The following SNTG2 variants were observed in gnomAD, a reference collection of about 807,000 sequenced individuals.
The protein encoded by SNTG2 is gamma-2-syntrophin.
Under a neutral mutation model 70.9 loss-of-function variants are expected in SNTG2, and 74 were observed. The observed-to-expected ratio is 1.04, with a 90% CI of 0.86 to 1.27. The LOEUF (loss-of-function observed/expected upper bound fraction) is 1.27. Among genes scored for constraint, SNTG2 ranks in the 50% most tolerant of loss-of-function variants. SNTG2 has a pLI of 0.00. For synonymous variants in SNTG2, 278 were observed against 273.8 expected, an observed-to-expected ratio of 1.02 and a Z score of -0.15; for missense variants, 717 against 690.7, an observed-to-expected ratio of 1.04 and a Z score of -0.43.
At chr2:1,263,635 A>G (rs1678566538) in intron 13 of SNTG2, among the ~76,000 whole-genome samples, 1 of 152,212 alleles carries the variant, frequency 6.6e-6, no homozygotes, top group East Asian at 1.9e-4. Flanking sequence ...CCAGGAAGCC[A>G]GGTAGCTGCA....
intron 1 of SNTG2, among the ~76,000 whole-genome samples, chr2:1,048,952 G>A (rs115465516): frequency 2.0e-5 from 3 of 152,246 alleles, no homozygotes; most frequent in African/African-American, 4.8e-5. Flanking sequence ...TTTGTCATCA[G>A]TCATTCACAT....
intron 1 of SNTG2, among the ~76,000 whole-genome samples, chr2:1,066,311 C>T (rs2148125112): frequency 6.6e-6 from 1 of 152,190 alleles, no homozygotes; most frequent in East Asian, 1.9e-4. Context: ...TGAGGCAAAA[C>T]TTCGCAGCCC....
intron 6 of SNTG2, chr2:1,160,099 TAAATG>T (rs1670171114): frequency 6.6e-6 from 1 of 152,144 alleles, no homozygotes; most frequent in South Asian, 2.1e-4. Context: ...ATGGGGCAAA[TAAATG>T]GGATACATGG....
intron 6 of SNTG2, among the ~76,000 whole-genome samples, chr2:1,156,556 C>T (rs561501452): frequency 4.2e-4 from 64 of 152,304 alleles, no homozygotes; most frequent in Admixed American, 7.8e-4. Context: ...GATTAACCAG[C>T]CAGCACTTAA....
At chr2:1,278,781 G>A (rs1410562521) in intron 14 of SNTG2, among the ~76,000 whole-genome samples, 1 of 152,146 alleles carries the variant, frequency 6.6e-6, no homozygotes, top group Non-Finnish European at 1.5e-5. Flanking sequence ...GCTTTCTGAG[G>A]TTTCAGTTAC....
intron 2 of SNTG2, among the ~76,000 whole-genome samples, chr2:1,090,423 C>T (rs1301954106): frequency 6.6e-6 from 1 of 152,202 alleles, no homozygotes; most frequent in Non-Finnish European, 1.5e-5. Context: ...CTGCAGCAAA[C>T]TTGATTCTTG....
At chr2:1,006,646 G>A (rs1414625732) in intron 1 of SNTG2, among the ~76,000 whole-genome samples, 1 of 152,114 alleles carries the variant, frequency 6.6e-6, no homozygotes, top group African/African-American at 2.4e-5. Flanking sequence ...CTTTTTCCTT[G>A]TCATTATTCC....
At chr2:1,225,392 G>A (rs1021618071) in intron 9 of SNTG2, among the ~76,000 whole-genome samples, 3 of 152,202 alleles carry the variant, frequency 2.0e-5, no homozygotes, top group Admixed American at 6.5e-5. Context: ...AAAGACGTAT[G>A]CAGGAGTATG....
intron 9 of SNTG2, among the ~76,000 whole-genome samples, chr2:1,217,093 G>T (rs1674443546): frequency 6.6e-6 from 1 of 152,040 alleles, no homozygotes; most frequent in Non-Finnish European, 1.5e-5. Context: ...GACCAATGAT[G>T]GTTGAGGTTC....
intron 1 of SNTG2, among the ~76,000 whole-genome samples, chr2:964,698 C>T (rs530283655): frequency 2.6e-5 from 4 of 152,134 alleles, no homozygotes; most frequent in Non-Finnish European, 4.4e-5. Context: ...CCTCGAGACA[C>T]GGGGAGCTCT....
chr2:1,188,840 T>G (rs1254139959), intron 8 of SNTG2, among the ~76,000 whole-genome samples: 1 of 152,172 alleles, frequency 6.6e-6, no homozygotes, highest in Non-Finnish European at 1.5e-5. Flanking sequence ...CATAGTAGTT[T>G]ATCAATCCAA....
chr2:1,098,121 A>G, intron 2 of SNTG2, 75 bp from the exon 3 acceptor site: 2 of 1,507,480 alleles, frequency 1.3e-6, no homozygotes, highest in Non-Finnish European at 1.8e-6. Context: ...GTTTAAATGA[A>G]GAATTTCTTT....
At chr2:1,339,000 C>G (rs762544252) in intron 16 of SNTG2, among the ~76,000 whole-genome samples, 8 of 152,222 alleles carry the variant, frequency 5.3e-5, no homozygotes, top group Non-Finnish European at 1.2e-4. Flanking sequence ...GTTCCAATTT[C>G]TCCGCATCCT....
chr2:964,032 A>G (rs182949641), intron 1 of SNTG2, among the ~76,000 whole-genome samples: 1 of 152,254 alleles, frequency 6.6e-6, no homozygotes, highest in Admixed American at 6.5e-5. Flanking sequence ...CCACGCAGTC[A>G]CAGTGTGTGC....
At chr2:1,237,241 C>T (rs1202459643) in intron 9 of SNTG2, among the ~76,000 whole-genome samples, 1 of 152,092 alleles carries the variant, frequency 6.6e-6, no homozygotes, top group Non-Finnish European at 1.5e-5. Flanking sequence ...CTGCGCCCGG[C>T]CAATATGCAC....
chr2:1,224,213 G>T (rs962521290), intron 9 of SNTG2, among the ~76,000 whole-genome samples: 3 of 152,216 alleles, frequency 2.0e-5, no homozygotes, highest in African/African-American at 7.2e-5. Flanking sequence ...AACACTGAAC[G>T]TTTGGGGAGC....
intron 14 of SNTG2, among the ~76,000 whole-genome samples, chr2:1,270,283 C>T (rs1027260762): frequency 6.6e-6 from 1 of 152,112 alleles, no homozygotes. Context: ...AAATACTTCT[C>T]CAAAACTCCA....
intron 14 of SNTG2, among the ~76,000 whole-genome samples, chr2:1,273,437 G>A (rs1400481855): frequency 6.6e-6 from 1 of 152,076 alleles, no homozygotes; most frequent in Non-Finnish European, 1.5e-5. Flanking sequence ...GCAAATCAAG[G>A]TGGCTCTGTG....
At chr2:1,172,743 A>G (rs1671205965) in intron 7 of SNTG2, among the ~76,000 whole-genome samples, 1 of 152,204 alleles carries the variant, frequency 6.6e-6, no homozygotes, top group Non-Finnish European at 1.5e-5. Context: ...AAAAGAGAAC[A>G]CTGCAATCAC....
Sources: gnomAD v4.1 joint callset for allele counts (sites outside exome capture counted in the v4.1 genomes callset) on GRCh38, gnomAD v4.1.1 for gene constraint, MANE v1.5 for transcripts, NCBI Gene and HGNC (gene_info 2026-07-23, HGNC 2026-07-21) for gene names.